ZNF606: variants seen among roughly 807,000 people sequenced by gnomAD.
The protein encoded by ZNF606 is zinc finger protein 328.
Under a neutral mutation model 74.9 loss-of-function variants are expected in ZNF606, and 37 were observed. That is an observed-to-expected ratio of 0.49 (90% confidence interval 0.38 to 0.65). ZNF606 has a LOEUF of 0.65. Ranked by LOEUF, ZNF606 falls within the 30% of genes least tolerant of loss-of-function variation. The pLI is 0.00. For missense variants in ZNF606, 852 were observed against 952.9 expected (o/e 0.89, Z 1.39); for synonymous variants, 328 against 312.4 (o/e 1.05, Z -0.53).
At chr19:57,990,127 C>T (rs2073234555) in intron 4 of ZNF606, among the ~76,000 whole-genome samples, 1 of 147,296 alleles carries the variant, frequency 6.8e-6, no homozygotes, top group Admixed American at 6.9e-5. Flanking sequence ...CTTTGGGAGG[C>T]CAAGGCAGGT....
At chr19:57,985,804 G>A (rs1278300352) in intron 6 of ZNF606, among the ~76,000 whole-genome samples, 1 of 151,872 alleles carries the variant, frequency 6.6e-6, no homozygotes, top group Non-Finnish European at 1.5e-5. Flanking sequence ...CGTGGTGGCG[G>A]GCCCCTGTAA....
At chr19:57,980,327 G>C (rs960698367) in intron 6 of ZNF606, 48 bp from the exon 7 acceptor site, 2 of 1,525,700 alleles carry the variant, frequency 1.3e-6, no homozygotes, top group African/African-American at 1.4e-5. Flanking sequence ...AAAGACATTA[G>C]AATAAAGTGG....
intron 6 of ZNF606, among the ~76,000 whole-genome samples, chr19:57,981,580 T>C (rs1568574509): frequency 6.6e-6 from 1 of 152,194 alleles, no homozygotes; most frequent in African/African-American, 2.4e-5. Flanking sequence ...TCTACTCCCA[T>C]ATCTTGACAA....
chr19:57,988,337 T>C (rs764474224), intron 5 of ZNF606, 35 bp from the exon 6 acceptor site: 3 of 1,599,502 alleles, frequency 1.9e-6, no homozygotes, highest in East Asian at 2.2e-5. Context: ...AATCATGTCA[T>C]GAGGCTTCAG....
intron 6 of ZNF606, among the ~76,000 whole-genome samples, chr19:57,985,856 C>A (rs960239572): frequency 2.6e-5 from 4 of 152,108 alleles, no homozygotes; most frequent in African/African-American, 9.6e-5. Flanking sequence ...ATCGCTTGAA[C>A]CCAGGAGGCA....
rs2073014694 is a variant in ZNF606, at chr19:57,977,932, A to T, written c.*369T>A. 2.4e-5 allele frequency: 4 copies of T among 165,014 alleles called. No individual in the cohort carries two copies. Among genetic ancestry groups the T allele is most frequent in the African/African-American group, 9.6e-5 (4 of 41,862 alleles). 10.2% of individuals were successfully genotyped at this position (165,014 alleles called of 1,614,324 possible). On this transcript the variant is annotated 3_prime_UTR_variant, in exon 7 of 7. Coordinates refer to ENST00000551380, the MANE Select transcript of ZNF606 (RefSeq NM_001348022.3). ...CAAAACAGTGTATTTCCAGTCAAAA[A>T]CTTTTCTCTGCATAAGGTTTTTCCC...
intron 1 of ZNF606, chr19:58,001,960 G>A (rs1304583284): frequency 2.9e-6 from 1 of 350,068 alleles, no homozygotes; most frequent in Admixed American, 4.0e-5. Flanking sequence ...GGAGGACTTA[G>A]AGATGGGCCT....
At chr19:57,991,326 C>A (rs1263931248) in intron 4 of ZNF606, among the ~76,000 whole-genome samples, 1 of 152,144 alleles carries the variant, frequency 6.6e-6, no homozygotes, top group African/African-American at 2.4e-5. Flanking sequence ...TTGATTTCTG[C>A]CTTTACCTTC....
rs1247486607 is a variant in ZNF606 at position 57,979,088 on chromosome 19, A to C, written c.1592T>G (p.Met531Arg). Residue 531 changes from methionine to arginine, a missense_variant, in exon 7 of 7, where the codon ATG becomes AGG. Met to Arg is a moderately conservative substitution (Grantham distance 91). This residue lies in a region of ZNF606 where 243 missense variants were observed against 359.2 expected (regional missense o/e 0.68). Transcript: ENST00000551380. ...FSWSSHLIAH[M>R]RMHTGEKPFK... Reference sequence around the variant, plus strand: ...GGGTTTCTCTCCAGTATGCATTCTCATATGGGCAATAAGATGGGAGCTCCA... The same window carrying C: ...GGGTTTCTCTCCAGTATGCATTCTCCTATGGGCAATAAGATGGGAGCTCCA... The C allele has an allele frequency of 6.2e-7, 1 of 1,612,986 alleles. No homozygotes were observed. The highest frequency in any genetic ancestry group is 1.7e-5 in the Admixed American group (1 of 59,920).
chr19:57,988,416 G>A, intron 5 of ZNF606, 114 bp from the exon 6 acceptor site: 2 of 1,375,220 alleles, frequency 1.5e-6, no homozygotes, highest in African/African-American at 2.9e-5. Flanking sequence ...AATATGCAAG[G>A]TCCTTCCCAC....
At position 58,000,711 on chromosome 19, in the gene ZNF606, C is replaced by T. The variant is rs146868688; in HGVS notation, c.60G>A (p.Met20Ile). Residue 20 changes from methionine (M) to isoleucine (I), a missense_variant, in exon 3 of 7, where the codon ATG becomes ATA. Coordinates refer to ENST00000551380, the MANE Select transcript of ZNF606 (RefSeq NM_001348022.3). ...AGGAGGCCCATGGGTCAACAGCTGT[C>T]ATCCCCCAAGATTGGTCCGTAAGGG... ...WGALTDQSWG[M>I]TAVDPWASWA... The T allele has an allele frequency of 3.1e-6, 5 of 1,611,312 alleles. No homozygotes were observed. The highest frequency in any genetic ancestry group is 2.5e-6 in the Non-Finnish European group (3 of 1,178,616).
rs1417109490 is a variant in ZNF606, at chr19:57,977,392, T to A, written c.*909A>T. 1 of 152,240 alleles carries A rather than the reference T, an allele frequency of 6.6e-6. No homozygotes were observed. The highest frequency in any genetic ancestry group is 1.5e-5 in the Non-Finnish European group (1 of 68,038). 9.4% of individuals were successfully genotyped at this position (152,240 alleles called of 1,614,324 possible). On this transcript the variant is annotated 3_prime_UTR_variant, in exon 7 of 7. Transcript: ENST00000551380. ...TAAGTGTTATATGTATTTGTAAAAC[T>A]TTTTAAAAATCTCAACTGGGTTAAC...
chr19:57,988,010 C>T (rs538794981), intron 6 of ZNF606, among the ~76,000 whole-genome samples, 197 bp downstream of exon 6: 26 of 152,200 alleles, frequency 1.7e-4, no homozygotes, highest in Non-Finnish European at 1.2e-4. Flanking sequence ...CATCAAGAGC[C>T]GACAGCGAGG....
intron 1 of ZNF606, chr19:58,001,930 G>C (rs1209063470): frequency 3.0e-6 from 1 of 336,744 alleles, no homozygotes; most frequent in African/African-American, 2.2e-5. Context: ...GATTTACTAA[G>C]CCTAAGCTTG....
rs575239303 is a variant in ZNF606 at position 57,990,899 on chromosome 19, C to A, written c.178-2178G>T. ...CAACTCCTGCTCAAGACCCCCCAGG[C>A]TCAGCCTTACTGTGCCCCATGACAA... On this transcript the variant is annotated intron_variant, in intron 4 of 6. Coordinates refer to ENST00000551380, the MANE Select transcript of ZNF606 (RefSeq NM_001348022.3). Among the ~76,000 whole-genome samples, 159 of 152,292 alleles carry A rather than the reference C, an allele frequency of 1.0e-3. 4 individuals are homozygous for A. The highest frequency in any genetic ancestry group is 1.3e-3 in the Non-Finnish European group (90 of 68,022).
At position 57,980,161 on chromosome 19, in the gene ZNF606, C is replaced by A. The variant is rs756677656; in HGVS notation, c.519G>T (p.Arg173Ser). The A allele has an allele frequency of 6.2e-7, 1 of 1,614,160 alleles. No individual in the cohort carries two copies. The highest frequency in any genetic ancestry group is 1.1e-5 in the South Asian group (1 of 91,084). The change falls in exon 7 of 7, where the codon AGG becomes AGT. Residue 173 changes from arginine (R) to serine (S), a missense_variant. By Grantham distance (110) the Arg-to-Ser change is moderately radical (BLOSUM62 -1). This residue lies in a region of ZNF606 where 545 missense variants were observed against 542.5 expected (regional missense o/e 1.00). Transcript: ENST00000551380. ...RYIWDDPWFS[R>S]LEVLGCKDQL... Reference sequence around the variant, plus strand: ...GGTCTTTACATCCCAAAACTTCTAACCTGGAGAACCAAGGATCATCCCATA... The same window carrying A: ...GGTCTTTACATCCCAAAACTTCTAAACTGGAGAACCAAGGATCATCCCATA...
At chr19:57,984,670 A>G (rs1219633191) in intron 6 of ZNF606, among the ~76,000 whole-genome samples, 1 of 152,264 alleles carries the variant, frequency 6.6e-6, no homozygotes, top group Non-Finnish European at 1.5e-5. Flanking sequence ...GAAATTACTA[A>G]AAGTGATTAC....
intron 4 of ZNF606, among the ~76,000 whole-genome samples, chr19:57,995,576 C>T (rs1036960174): frequency 1.2e-4 from 19 of 152,028 alleles, no homozygotes; most frequent in African/African-American, 4.6e-4. Flanking sequence ...ACCTATAATC[C>T]CAGCACTTTG....
Position 57,979,054 on chromosome 19 carries a change from A to G in ZNF606, c.1626T>C (p.Cys542=), listed in dbSNP as rs1458235108. 1 of 1,614,070 alleles carries G rather than the reference A, an allele frequency of 6.2e-7. No homozygotes were observed. Among genetic ancestry groups the G allele is most frequent in the Non-Finnish European group, 8.5e-7 (1 of 1,180,010 alleles). ...RMHTGEKPFK[C]DECEKAFRDY... ...CCCTAAAAGCTTTTTCACATTCATC[A>G]CATTTAAAGGGTTTCTCTCCAGTAT... The change falls in exon 7 of 7, where the codon TGT becomes TGC. Residue 542 remains cysteine (C), a synonymous_variant. Transcript: ENST00000551380.
Sources: gnomAD v4.1 joint callset for allele counts (sites outside exome capture counted in the v4.1 genomes callset) on GRCh38, gnomAD v4.1.1 for gene constraint, gnomAD v4.1.1 regional missense constraint, MANE v1.5 for transcripts, NCBI Gene and HGNC (gene_info 2026-07-23, HGNC 2026-07-21) for gene names.